Variants in CCDC180 observed in about 807,000 individuals in gnomAD.
The protein encoded by CCDC180 is coiled-coil domain-containing protein 180.
Under a neutral mutation model 209.2 loss-of-function variants are expected in CCDC180, and 154 were observed. The observed-to-expected ratio is 0.74, with a 90% CI of 0.65 to 0.84. The LOEUF is 0.84. CCDC180 is among the 40% of genes least tolerant of loss of function. The pLI is 0.00. For missense variants in CCDC180, 1,874 were observed against 1,997.3 expected (o/e 0.94, Z 1.18); for synonymous variants, 778 against 749.1 (o/e 1.04, Z -0.63).
chr9:97,316,074 G>A (rs1352970851), intron 8 of CCDC180, among the ~76,000 whole-genome samples: 1 of 152,202 alleles, frequency 6.6e-6, no homozygotes, highest in Non-Finnish European at 1.5e-5. Flanking sequence ...TGTGGTAGCT[G>A]TCTTCTGAGA....
At chr9:97,352,604 T>G (rs1308030463) in intron 22 of CCDC180, among the ~76,000 whole-genome samples, 1 of 152,204 alleles carries the variant, frequency 6.6e-6, no homozygotes, top group African/African-American at 2.4e-5. Context: ...TTGGTTTCAT[T>G]TTCTGAGCCC....
chr9:97,363,765 C>A (rs1180437599), intron 28 of CCDC180: 3 of 537,826 alleles, frequency 5.6e-6, no homozygotes, highest in African/African-American at 3.8e-5. Flanking sequence ...CACGGGGAAG[C>A]AGGAATGCAA....
In CCDC180 at chr9:97,318,081, G is replaced by C. The variant is rs370802304; in HGVS notation, c.960-382G>C. Reference sequence around the variant, plus strand: ...GCCAACGAGAAAGGCACTATCATGAGTTCCATTTTACAGAAGAAGAAACTG... The same window carrying C: ...GCCAACGAGAAAGGCACTATCATGACTTCCATTTTACAGAAGAAGAAACTG... On this transcript the variant is annotated intron_variant, in intron 9 of 36. Transcript: ENST00000529487. Among the ~76,000 whole-genome samples the C allele has an allele frequency of 3.3e-5, 5 of 152,188 alleles. No individual in the cohort carries two copies. The South Asian group carries it at 1.0e-3, about 32-fold the overall frequency.
intron 25 of CCDC180, among the ~76,000 whole-genome samples, chr9:97,359,569 A>G (rs1279397167): frequency 6.6e-6 from 1 of 152,096 alleles, no homozygotes. Context: ...TCACTCTCCT[A>G]CACACTCCTG....
Position 97,330,680 on chromosome 9 carries a change from G to GGAAGAA in CCDC180, c.2189_2190insAGAAGA (p.Glu735_Glu736dup). 1 of 1,342,032 alleles carries GGAAGAA rather than the reference G, an allele frequency of 7.5e-7. No individual in the cohort carries two copies. Among genetic ancestry groups the GGAAGAA allele is most frequent in the East Asian group, 2.5e-5 (1 of 40,536 alleles). 83.1% of individuals were successfully genotyped at this position (1,342,032 alleles called of 1,614,324 possible). A position where few individuals can be genotyped will look rare whatever the true frequency, so the allele number is the denominator to read the frequency against. On this transcript the variant is annotated inframe_insertion, in exon 18 of 37. Coordinates refer to ENST00000529487, the MANE Select transcript of CCDC180 (RefSeq NM_020893.6). ...AGGAGTCAGAGGAGGAAGATGAGAA[G>GGAAGAA]GAGGAAGAGGAGGAGGAGGAGAAGC...
intron 36 of CCDC180, 85 bp from the exon 37 acceptor site, chr9:97,376,678 C>T: frequency 6.8e-7 from 1 of 1,468,260 alleles, no homozygotes; most frequent in Non-Finnish European, 9.2e-7. Flanking sequence ...TAAAAACCAC[C>T]TGCCAGCAAG....
chr9:97,374,653 G>C lies in CCDC180; in HGVS notation c.4706+5G>C. The stretch of plus-strand genomic sequence containing the variant: ...CCTGATTGAACGTGGAAGCAGGTGA[G>C]AACCAAGAGCAGCAAGGACTACTGT... On this transcript the variant is annotated splice_donor_5th_base_variant and intron_variant, in intron 35 of 36. Transcript: ENST00000529487. 1 of 1,610,988 alleles carries C rather than the reference G, an allele frequency of 6.2e-7. No individual in the cohort carries two copies.
chr9:97,317,266 A>AG (rs1412215043), intron 9 of CCDC180, 38 bp downstream of exon 9: 3 of 1,483,892 alleles, frequency 2.0e-6, no homozygotes, highest in Middle Eastern at 1.8e-4. Flanking sequence ...CCAGCCCACC[A>AG]GGGGGGCTGG....
rs778579527 is a variant in CCDC180, at chr9:97,307,778, C to T, written c.-110C>T. On this transcript the variant is annotated 5_prime_UTR_variant, in exon 1 of 37. Coordinates refer to ENST00000529487, the MANE Select transcript of CCDC180 (RefSeq NM_020893.6). ...GCCATGCGCGGCGGGGAGAACCGGC[C>T]TCCTGCTCGAGTTCAGAGCTCATCT... 1.9e-6 allele frequency: 3 copies of T among 1,614,222 alleles called. No individual in the cohort carries two copies. The East Asian group carries it at 6.7e-5, about 36-fold the overall frequency.
At chr9:97,353,645 C>T (rs1826484746) in intron 22 of CCDC180, among the ~76,000 whole-genome samples, 1 of 152,198 alleles carries the variant, frequency 6.6e-6, no homozygotes, top group African/African-American at 2.4e-5. Flanking sequence ...GCACTACCTA[C>T]CCAGGACCAA....
intron 19 of CCDC180, chr9:97,345,722 G>A (rs765659057): frequency 2.0e-5 from 5 of 254,858 alleles, no homozygotes; most frequent in South Asian, 4.0e-5. Context: ...CTGCACTCCT[G>A]ACTGGGAGAC....
At chr9:97,350,295 A>G (rs1826387309) in intron 21 of CCDC180, 114 bp from the exon 22 acceptor site, 4 of 1,025,076 alleles carry the variant, frequency 3.9e-6, no homozygotes, top group African/African-American at 1.6e-5. Context: ...GCTGGTCATT[A>G]TCGTGACCGG....
rs148867037 is a variant in CCDC180, at chr9:97,362,030, G to A, written c.3656+132G>A. 1.3e-4 allele frequency: 180 copies of A among 1,375,776 alleles called. 3 individuals are homozygous for A. In the African/African-American group the frequency reaches 2.3e-3, roughly 18 times the overall value. The allele number at this position is 1,375,776 out of a possible 1,614,324, so 85.2% of individuals were successfully genotyped here. ...CACCCCTGAGAGCCTGTGACCTCAG[G>A]CAAAGGGCTTCCCCACCCAGAGCCC... On this transcript the variant is annotated intron_variant, in intron 27 of 36. Coordinates refer to ENST00000529487, the MANE Select transcript of CCDC180 (RefSeq NM_020893.6).
chr9:97,368,410 G>C (rs900726280), intron 31 of CCDC180, among the ~76,000 whole-genome samples: 1 of 152,132 alleles, frequency 6.6e-6, no homozygotes, highest in Non-Finnish European at 1.5e-5. Flanking sequence ...AAGTCTAAAA[G>C]GAGCAAGCCA....
rs1255701157 is a variant in CCDC180 at position 97,314,898 on chromosome 9, C to T, written c.747C>T (p.Ser249=). ...ATGCAGAAGTCATAGAGAAAACTTC[C>T]TACCTCATGCGGCCCGAAGTGTACA... is the stretch of plus-strand genomic sequence containing the variant. ...KKYAEVIEKT[S]YLMRPEVYRL... Residue 249 remains serine, a synonymous_variant, in exon 8 of 37, where the codon TCC becomes TCT. Transcript: ENST00000529487. 1 of 1,613,988 alleles carries T rather than the reference C, an allele frequency of 6.2e-7. No individual in the cohort carries two copies. The highest frequency in any genetic ancestry group is 1.3e-5 in the African/African-American group (1 of 74,912).
chr9:97,360,175 C>A, intron 26 of CCDC180, 74 bp downstream of exon 26: 1 of 1,557,244 alleles, frequency 6.4e-7, no homozygotes, highest in Non-Finnish European at 8.7e-7. Flanking sequence ...CTGCAGGGCT[C>A]AGTAGAGCCA....
At chr9:97,357,583 A>C in intron 24 of CCDC180, 44 bp from the exon 25 acceptor site, 1 of 1,286,534 alleles carries the variant, frequency 7.8e-7, no homozygotes, top group Non-Finnish European at 1.1e-6. Context: ...CCAGATCACA[A>C]TATGTATTCT....
intron 13 of CCDC180, 112 bp downstream of exon 13, chr9:97,324,015 C>A: frequency 7.8e-7 from 1 of 1,288,504 alleles, no homozygotes; most frequent in South Asian, 1.4e-5. Context: ...CCTAGTGTGT[C>A]CGCTCACCCT....
chr9:97,370,798 C>T lies in CCDC180; in HGVS notation c.4488+20C>T, dbSNP rs767915528. The T allele has an allele frequency of 1.9e-5, 30 of 1,612,532 alleles. No individual in the cohort carries two copies. In the South Asian group the frequency reaches 2.1e-4, roughly 11 times the overall value. Reference sequence around the variant, plus strand: ...CTGGAGGTCAGTGATACCATTGATTCGCCAGTCCAGGCATGCTCCAAATAT... The same window carrying T: ...CTGGAGGTCAGTGATACCATTGATTTGCCAGTCCAGGCATGCTCCAAATAT... On this transcript the variant is annotated intron_variant, in intron 33 of 36. Transcript: ENST00000529487.
Sources: gnomAD v4.1 joint callset for allele counts (sites outside exome capture counted in the v4.1 genomes callset) on GRCh38, gnomAD v4.1.1 for gene constraint, MANE v1.5 for transcripts, NCBI Gene and HGNC (gene_info 2026-07-23, HGNC 2026-07-21) for gene names.